LEMD1: variants seen among roughly 807,000 people sequenced by gnomAD.
The protein encoded by LEMD1 is LEM domain-containing protein 1.
In LEMD1, 18 loss-of-function variants were observed where a neutral mutation model predicts 17.4. The ratio of observed to expected loss-of-function variants is 1.04; its 90% CI spans 0.72 to 1.54. The LOEUF (loss-of-function observed/expected upper bound fraction) is 1.54, where lower values mean the gene tolerates loss of function less well. LEMD1 is among the 40% of genes most tolerant of loss of function. The pLI, the probability that LEMD1 is intolerant of heterozygous loss-of-function variation, is 0.00. For missense variants in LEMD1, 195 were observed against 210.4 expected (o/e 0.93, Z 0.45); for synonymous variants, 88 against 77.8 (o/e 1.13, Z -0.69).
rs1316720237 is a variant in LEMD1, at chr1:205,420,365, A to G, written c.82+90T>C. 6.2e-6 allele frequency: 6 copies of G among 974,808 alleles called. No individual in the cohort carries two copies. In the Admixed American group the frequency reaches 7.7e-5, roughly 12 times the overall value. The allele number at this position is 974,808 out of a possible 1,614,324, so 60.4% of individuals were successfully genotyped here. ...TTCTCTATGTTCCTATTTCTATTTT[A>G]ATGGCTTTACTGCATATGTTCCTTC... On this transcript the variant is annotated intron_variant, in intron 2 of 5. Coordinates refer to ENST00000367153, the MANE Select transcript of LEMD1 (RefSeq NM_001199050.2).
chr1:205,409,588 C>A (rs995127440), intron 4 of LEMD1, among the ~76,000 whole-genome samples: 4 of 149,844 alleles, frequency 2.7e-5, no homozygotes, highest in Non-Finnish European at 4.4e-5. Flanking sequence ...TGAACCCAGG[C>A]AGTCTGGCTC....
chr1:205,406,086 G>A (rs9658948), intron 4 of LEMD1, among the ~76,000 whole-genome samples: 43,511 of 150,082 alleles, frequency 0.29, 5,305 homozygotes, highest in African/African-American at 0.36. Context: ...AGGAGTACCC[G>A]GCTGTGTGAG....
chr1:205,421,282 A>G (rs1665949691), intron 1 of LEMD1, among the ~76,000 whole-genome samples: 1 of 152,218 alleles, frequency 6.6e-6, no homozygotes, highest in African/African-American at 2.4e-5. Context: ...GATCTCCCAA[A>G]GTTGACCCTT....
intron 1 of LEMD1, among the ~76,000 whole-genome samples, chr1:205,421,378 C>G (rs1665952926): frequency 6.6e-6 from 1 of 152,088 alleles, no homozygotes; most frequent in East Asian, 1.9e-4. Flanking sequence ...GTTTATTGTA[C>G]CACATTTCTA....
intron 4 of LEMD1, among the ~76,000 whole-genome samples, chr1:205,390,167 C>T (rs1471630419): frequency 1.3e-5 from 2 of 152,022 alleles, no homozygotes; most frequent in African/African-American, 2.4e-5. Flanking sequence ...CCAGCCTGGC[C>T]AACATGGTGA....
intron 1 of LEMD1, among the ~76,000 whole-genome samples, chr1:205,447,254 A>C (rs1438961951): frequency 6.6e-6 from 1 of 152,226 alleles, no homozygotes; most frequent in Non-Finnish European, 1.5e-5. Context: ...CCATAAGTTA[A>C]ATAGGCTAAC....
intron 4 of LEMD1, among the ~76,000 whole-genome samples, chr1:205,402,178 C>T (rs1270477723): frequency 3.9e-5 from 6 of 152,016 alleles, no homozygotes; most frequent in African/African-American, 1.2e-4. Flanking sequence ...ATTGACTTGG[C>T]GATGCAGGCT....
At chr1:205,411,531 A>G (rs371762484) in intron 4 of LEMD1, among the ~76,000 whole-genome samples, 56 of 142,806 alleles carry the variant, frequency 3.9e-4, no homozygotes, top group East Asian at 1.9e-3. Context: ...ACTCCAGCCT[A>G]GGCCACAGAG....
intron 4 of LEMD1, among the ~76,000 whole-genome samples, chr1:205,388,058 C>T (rs1207081606): frequency 6.6e-6 from 1 of 152,218 alleles, no homozygotes; most frequent in African/African-American, 2.4e-5. Context: ...GCTGGTGAGG[C>T]AATGGAGCTA....
At position 205,381,824 on chromosome 1, in the gene LEMD1, G is replaced by A. The variant is rs530857188; in HGVS notation, c.380C>T (p.Thr127Ile). ...WAARAPSTRI[T>I]YGTITKERDY... is the part of the protein sequence containing the mutation. ...TCTCTCTTTGGTGATAGTCCCATAT[G>A]TGATTCTGGTGCTTGGTGCTCTTGC... Residue 127 changes from threonine to isoleucine, a missense_variant, in exon 6 of 6, where the codon ACA (threonine) becomes ATA (isoleucine). Thr to Ile is a moderately conservative substitution (Grantham distance 89). Coordinates refer to ENST00000367153, the MANE Select transcript of LEMD1 (RefSeq NM_001199050.2). 3.7e-6 allele frequency: 6 copies of A among 1,614,152 alleles called. No individual in the cohort carries two copies. The East Asian group carries it at 6.7e-5, about 18-fold the overall frequency.
intron 1 of LEMD1, among the ~76,000 whole-genome samples, chr1:205,427,232 A>ATT (rs1297288809): frequency 1.3e-5 from 2 of 151,902 alleles, no homozygotes; most frequent in Non-Finnish European, 2.9e-5. Context: ...GGAGCTAAAA[A>ATT]CACTGTTTTC....
chr1:205,442,476 G>A lies in LEMD1; in HGVS notation c.-39+7392C>T, dbSNP rs145826294. 3.1e-3 allele frequency among the ~76,000 whole-genome samples: 479 copies of A among 152,252 alleles called. 4 individuals are homozygous for A. The highest frequency in any genetic ancestry group is 0.011 in the African/African-American group (437 of 41,532). Reference sequence around the variant, plus strand: ...TTGCCCTTTTGGAAAAACTTCCTTCGTGTTTCTCCAGACAGAGCCAAGGCC... The same window carrying A: ...TTGCCCTTTTGGAAAAACTTCCTTCATGTTTCTCCAGACAGAGCCAAGGCC... On this transcript the variant is annotated intron_variant, in intron 1 of 3. Coordinates refer to the LEMD1 transcript ENST00000367154.
chr1:205,409,378 A>G (rs1665278274), intron 4 of LEMD1, among the ~76,000 whole-genome samples: 1 of 152,236 alleles, frequency 6.6e-6, no homozygotes, highest in Non-Finnish European at 1.5e-5. Context: ...TCATGTAACA[A>G]TAATGTTAAT....
At chr1:205,381,889 G>A in intron 5 of LEMD1, 33 bp from the exon 6 acceptor site, 1 of 1,609,580 alleles carries the variant, frequency 6.2e-7, no homozygotes. Context: ...TAGGATTGTG[G>A]ACAGCTGTGG....
At chr1:205,447,500 G>A (rs1666413152) in intron 1 of LEMD1, among the ~76,000 whole-genome samples, 1 of 152,152 alleles carries the variant, frequency 6.6e-6, no homozygotes, top group Non-Finnish European at 1.5e-5. Flanking sequence ...GGGGTACGAG[G>A]ATGCTTCCTC....
chr1:205,420,435 T>C lies in LEMD1; in HGVS notation c.82+20A>G, dbSNP rs1478934896. Reference sequence around the variant, plus strand: ...ACCATAAATGACAAGTCTGTAATATTTGCTGCATACTGTACATACGTAGTA... The same window carrying C: ...ACCATAAATGACAAGTCTGTAATATCTGCTGCATACTGTACATACGTAGTA... On this transcript the variant is annotated intron_variant, in intron 2 of 5. Coordinates refer to ENST00000367153, the MANE Select transcript of LEMD1 (RefSeq NM_001199050.2). 1.3e-6 allele frequency: 2 copies of C among 1,587,054 alleles called. No individual in the cohort carries two copies. The highest frequency in any genetic ancestry group is 4.5e-5 in the East Asian group (2 of 44,756).
intron 4 of LEMD1, among the ~76,000 whole-genome samples, chr1:205,406,827 G>C (rs538692156): frequency 6.6e-6 from 1 of 152,182 alleles, no homozygotes; most frequent in Non-Finnish European, 1.5e-5. Context: ...GTAGACAGGA[G>C]CTGTTCCTAT....
rs1663703339 is a variant in LEMD1 at position 205,381,728 on chromosome 1, G to A, written c.476C>T (p.Ala159Val). 6.2e-7 allele frequency: 1 copy of A among 1,614,220 alleles called. No individual in the cohort carries two copies. The highest frequency in any genetic ancestry group is 1.1e-5 in the South Asian group (1 of 91,086). ...EEGFPVGLKL[A>V]VLGIFIIVVF... ...CACAATGATGAAAATACCAAGCACA[G>A]CAAGCTTCAAGCCCACTGGGAAACC... is the stretch of plus-strand genomic sequence containing the variant. The change falls in exon 6 of 6, where the codon GCT becomes GTT. Residue 159 changes from alanine (A) to valine (V), a missense_variant. Transcript: ENST00000367153.
At chr1:205,433,532 T>G (rs1392884848) in intron 1 of LEMD1, among the ~76,000 whole-genome samples, 1 of 152,188 alleles carries the variant, frequency 6.6e-6, no homozygotes, top group Non-Finnish European at 1.5e-5. Context: ...ACATTTCTCC[T>G]GCAGCCCCTC....
Sources: allele counts gnomAD v4.1 joint callset (sites outside exome capture counted in the v4.1 genomes callset), GRCh38; gene constraint gnomAD v4.1.1; transcripts MANE v1.5; gene names NCBI Gene and HGNC (gene_info 2026-07-23, HGNC 2026-07-21).